Variants in CPNE7 observed in about 807,000 individuals in gnomAD.
The protein encoded by CPNE7 is copine 7.
Under a neutral mutation model 66.5 loss-of-function variants are expected in CPNE7, and 78 were observed. That is an observed-to-expected ratio of 1.17 (90% CI 0.98 to 1.42). The LOEUF (loss-of-function observed/expected upper bound fraction) is 1.42, where lower values mean the gene tolerates loss of function less well. CPNE7 is among the 40% of genes most tolerant of loss of function. CPNE7 has a pLI of 0.00. For missense variants in CPNE7, 1,012 were observed against 776.6 expected, an observed-to-expected ratio of 1.30 and a Z score of -3.60; for synonymous variants, 468 against 336.7, an observed-to-expected ratio of 1.39 and a Z score of -4.27.
chr16:89,588,878 C>T (rs1225973994), intron 10 of CPNE7, 70 bp downstream of exon 10: 5 of 1,566,570 alleles, frequency 3.2e-6, no homozygotes, highest in Middle Eastern at 1.7e-4. Flanking sequence ...TGGCCGTCTT[C>T]CCCCTCACCC....
At chr16:89,596,459 G>A (rs1281743750) in intron 14 of CPNE7, 25 bp from the exon 15 acceptor site, 6 of 1,594,622 alleles carry the variant, frequency 3.8e-6, no homozygotes, top group Non-Finnish European at 5.1e-6. Context: ...GGTCCCAGAG[G>A]TAACTGCGTT....
intron 1 of CPNE7, among the ~76,000 whole-genome samples, chr16:89,576,524 G>A (rs2058862624): frequency 6.6e-6 from 1 of 152,256 alleles, no homozygotes; most frequent in South Asian, 2.1e-4. Context: ...CAGGCGTCCG[G>A]GGCTCCCGCT....
intron 10 of CPNE7, 27 bp downstream of exon 10, chr16:89,588,835 C>T (rs750986850): frequency 3.1e-6 from 5 of 1,608,626 alleles, no homozygotes; most frequent in East Asian, 2.2e-5. Context: ...CCCCTCACCC[C>T]CTGGTCTCCA....
intron 2 of CPNE7, among the ~76,000 whole-genome samples, chr16:89,582,329 C>T (rs1288299124): frequency 1.1e-4 from 16 of 152,242 alleles, no homozygotes; most frequent in African/African-American, 3.6e-4. Context: ...GCTTATTAAA[C>T]GCTGTTGGCA....
Position 89,584,977 on chromosome 16 carries a change from G to C in CPNE7, c.591+120G>C. 1.1e-6 allele frequency: 1 copy of C among 912,658 alleles called. No individual in the cohort carries two copies. The highest frequency in any genetic ancestry group is 1.7e-6 in the Non-Finnish European group (1 of 586,604). The allele number at this position is 912,658 out of a possible 1,614,324, so 56.5% of individuals were successfully genotyped here. ...CAGGGAGCTGTGGGCGCAGGGCTTT[G>C]GTGGCTGTGGCTATGGCCAGAATCC... On this transcript the variant is annotated intron_variant, in intron 5 of 14. Coordinates refer to ENST00000319518, the MANE Select transcript of CPNE7 (RefSeq NM_153636.3). The surrounding 1 kb of genome is among the most constrained non-coding windows in gnomAD (Gnocchi z 6.0).
At chr16:89,593,904 G>T (rs2059212658) in intron 13 of CPNE7, among the ~76,000 whole-genome samples, 1 of 152,192 alleles carries the variant, frequency 6.6e-6, no homozygotes, top group African/African-American at 2.4e-5. Context: ...GCGGGTCTCA[G>T]ACGGTTTCAT....
intron 9 of CPNE7, among the ~76,000 whole-genome samples, chr16:89,588,361 C>T (rs1234082200): frequency 6.6e-6 from 1 of 152,302 alleles, no homozygotes; most frequent in Admixed American, 6.5e-5. Context: ...TCCACTTAGG[C>T]CCTGCCGGGG....
chr16:89,591,076 G>T lies in CPNE7; in HGVS notation c.1168+18G>T. 6.2e-7 allele frequency: 1 copy of T among 1,613,560 alleles called. No homozygotes were observed. The highest frequency in any genetic ancestry group is 8.5e-7 in the Non-Finnish European group (1 of 1,179,874). On this transcript the variant is annotated intron_variant, in intron 12 of 14. Coordinates refer to ENST00000319518, the MANE Select transcript of CPNE7 (RefSeq NM_153636.3). ...GTGTGAAGGTAGGAGCTCGAGGCAG[G>T]CCTGGGGAGGGGAGTGCAGGGGGGC... is the stretch of plus-strand genomic sequence containing the variant.
intron 13 of CPNE7, 100 bp from the exon 14 acceptor site, chr16:89,595,267 C>G (rs60939264): frequency 1.1e-6 from 1 of 926,496 alleles, no homozygotes; most frequent in African/African-American, 1.7e-5. Context: ...GAAGCTCTGA[C>G]GCACGGAGGC....
Position 89,584,099 on chromosome 16 carries a change from C to G in CPNE7, c.504C>G (p.Asp168Glu). Reference protein sequence around the residue: ...ELSFRARKLDDKDLFSKSDPF... With the variant: ...ELSFRARKLDEKDLFSKSDPF... ...CCTTCCGGGCCAGGAAGCTGGACGA[C>G]AAGGTGAGTGCAGGTGCCGGGCACG... The change falls in exon 4 of 15, where the codon GAC (aspartate) becomes GAG (glutamate). Residue 168 changes from aspartate (D) to glutamate (E), a missense_variant. By Grantham distance (45) the Asp-to-Glu change is conservative (BLOSUM62 2). Coordinates refer to ENST00000319518, the MANE Select transcript of CPNE7 (RefSeq NM_153636.3). This position sits in a 1 kb window ranked among gnomAD's most constrained non-coding sequence, Gnocchi z 6.0. The G allele has an allele frequency of 6.2e-7, 1 of 1,611,214 alleles. No homozygotes were observed. Among genetic ancestry groups the G allele is most frequent in the Non-Finnish European group, 8.5e-7 (1 of 1,179,230 alleles).
chr16:89,585,482 A>C lies in CPNE7; in HGVS notation c.610A>C (p.Asn204His), dbSNP rs764595467. The C allele has an allele frequency of 1.2e-6, 2 of 1,611,928 alleles. No individual in the cohort carries two copies. Among genetic ancestry groups the C allele is most frequent in the South Asian group, 2.2e-5 (2 of 90,806 alleles). ...YRTEVVKNNL[N>H]PVWEAFKVSL... ...CCCACAGGTGGTGAAGAACAACCTG[A>C]ACCCGGTGTGGGAGGCCTTCAAAGT... Residue 204 changes from asparagine to histidine, a missense_variant, in exon 6 of 15, where the codon AAC becomes CAC. Coordinates refer to ENST00000319518, the MANE Select transcript of CPNE7 (RefSeq NM_153636.3).
At chr16:89,585,003 A>G (rs2059013009) in intron 5 of CPNE7, 146 bp downstream of exon 5, 2 of 735,686 alleles carry the variant, frequency 2.7e-6, no homozygotes, top group Admixed American at 2.5e-5. Flanking sequence ...GCCAGAATCC[A>G]ACAGGGAGCC....
intron 10 of CPNE7, among the ~76,000 whole-genome samples, chr16:89,589,669 G>T (rs2059139756): frequency 6.6e-6 from 1 of 152,176 alleles, no homozygotes; most frequent in South Asian, 2.1e-4. Flanking sequence ...CACAAACGTG[G>T]AGTTGGGAGG....
At chr16:89,576,854 G>A (rs2058868501) in intron 1 of CPNE7, among the ~76,000 whole-genome samples, 1 of 152,142 alleles carries the variant, frequency 6.6e-6, no homozygotes, top group African/African-American at 2.4e-5. Flanking sequence ...TGAGGGTGAA[G>A]GGCCTGCCCC....
At position 89,585,758 on chromosome 16, in the gene CPNE7, G is replaced by C. The variant is rs1437488410; in HGVS notation, c.753G>C (p.Glu251Asp). 2.0e-6 allele frequency: 3 copies of C among 1,473,954 alleles called. No homozygotes were observed. In the African/African-American group the frequency reaches 4.4e-5, roughly 22 times the overall value. 91.3% of individuals were successfully genotyped at this position (1,473,954 alleles called of 1,614,324 possible). A position where few individuals can be genotyped will look rare whatever the true frequency, so the allele number is the denominator to read the frequency against. Residue 251 changes from glutamate (E) to aspartate (D), a missense_variant, in exon 7 of 15, where the codon GAG (glutamate) becomes GAC (aspartate). By Grantham distance (45) the Glu-to-Asp change is conservative. Transcript: ENST00000319518. The stretch of plus-strand genomic sequence containing the variant: ...GAGAATTCTCTACCACCTTCGAGGA[G>C]ATGCAGAAGGCCTTTGAGGAGGGGC... ...FIGEFSTTFEEMQKAFEEGQA... is the reference protein window; with the variant it reads ...FIGEFSTTFEDMQKAFEEGQA...
At chr16:89,580,267 A>C (rs2058931426) in intron 2 of CPNE7, among the ~76,000 whole-genome samples, 1 of 122,588 alleles carries the variant, frequency 8.2e-6, no homozygotes, top group Admixed American at 8.5e-5. Context: ...TCACCTGCAG[A>C]CACAGAACAT....
intron 2 of CPNE7, among the ~76,000 whole-genome samples, chr16:89,582,796 C>T (rs1284525756): frequency 1.3e-5 from 2 of 152,252 alleles, no homozygotes; most frequent in Non-Finnish European, 2.9e-5. Flanking sequence ...TCCCAGCATC[C>T]GCCAGGCAGT....
In CPNE7 at chr16:89,575,884, CG is replaced by C; in HGVS notation, c.-13del. Reference sequence around the variant, plus strand: ...CCCTCAGTGCGCCCAGCCGGGCCCCCGAACGCCGGGAGCATGAGCGCGGGCT... The same window carrying C: ...CCCTCAGTGCGCCCAGCCGGGCCCCCAACGCCGGGAGCATGAGCGCGGGCT... On this transcript the variant is annotated 5_prime_UTR_variant, in exon 1 of 15. Transcript: ENST00000319518. 8.3e-7 allele frequency: 1 copy of C among 1,209,232 alleles called. No individual in the cohort carries two copies. Among genetic ancestry groups the C allele is most frequent in the Non-Finnish European group, 1.0e-6 (1 of 973,188 alleles). 74.9% of individuals were successfully genotyped at this position (1,209,232 alleles called of 1,614,324 possible).
chr16:89,591,845 C>T (rs4785695), intron 13 of CPNE7, among the ~76,000 whole-genome samples: 20,255 of 151,720 alleles, frequency 0.13, 1,968 homozygotes, highest in East Asian at 0.58. Context: ...GGACTACAGG[C>T]GCCCGCCACC....
Sources: allele counts gnomAD v4.1 joint callset (sites outside exome capture counted in the v4.1 genomes callset), GRCh38; gene constraint gnomAD v4.1.1; non-coding constraint Gnocchi (gnomAD v3.1); transcripts MANE v1.5; gene names NCBI Gene and HGNC (gene_info 2026-07-23, HGNC 2026-07-21).